Variants in MAST3 observed in about 807,000 individuals in gnomAD.
MAST3 encodes microtubule-associated serine/threonine-protein kinase 3.
MAST3 carries 43 observed loss-of-function variants against 127.0 expected under a neutral mutation model. The observed-to-expected ratio is 0.34, with a 90% CI of 0.27 to 0.44. MAST3 has a LOEUF of 0.44. Ranked by LOEUF, MAST3 falls within the 20% of genes least tolerant of loss-of-function variation. MAST3 has a pLI of 1.00. For synonymous variants in MAST3, 785 were observed against 809.2 expected (o/e 0.97, Z 0.51); for missense variants, 1,390 against 1,919.1 (o/e 0.72, Z 5.15).
chr19:18,115,698 G>A lies in MAST3; in HGVS notation c.161+4957G>A, dbSNP rs867717607. 7.9e-5 allele frequency among the ~76,000 whole-genome samples: 12 copies of A among 152,262 alleles called. 1 individual carries two copies. The Middle Eastern group carries it at 0.031, about 388-fold the overall frequency. On this transcript the variant is annotated intron_variant, in intron 3 of 27. Transcript: ENST00000687212. The stretch of plus-strand genomic sequence containing the variant: ...TATTCCCCTCCCAGACACCGTCCCA[G>A]ACCCTTACTGGCCTCCTGCTACCTT...
rs770698668 is a variant in MAST3 at position 18,123,344 on chromosome 19, C to G, written c.527C>G (p.Pro176Arg). ...NVLDEEGGRS[P>R]RLRPRSRSLS... ...CTTGATGAGGAAGGCGGCCGGTCACCCCGCCTCCGACCCCGCTCTCGCAGT... is the reference window on the plus strand; with the variant it reads ...CTTGATGAGGAAGGCGGCCGGTCACGCCGCCTCCGACCCCGCTCTCGCAGT... Residue 176 changes from proline to arginine, a missense_variant, in exon 7 of 28, where the codon CCC becomes CGC. Physicochemically the swap from Pro to Arg is moderately radical, Grantham distance 103. This residue lies in a region of MAST3 where 277 missense variants were observed against 384.8 expected (regional missense o/e 0.72). Coordinates refer to ENST00000687212, the MANE Select transcript of MAST3 (RefSeq NM_001393504.1). The G allele has an allele frequency of 1.9e-6, 3 of 1,613,136 alleles. No individual in the cohort carries two copies. Among genetic ancestry groups the G allele is most frequent in the East Asian group, 4.5e-5 (2 of 44,870 alleles).
rs1255041157 is a variant in MAST3 at position 18,147,176 on chromosome 19, T to C, written c.3326+132T>C. ...TGGAGTGCAGTGGCTCAATCTCGGC[T>C]CACTGCAACCTCCACCTCCCGGGTT... On this transcript the variant is annotated intron_variant, in intron 26 of 27. Coordinates refer to ENST00000687212, the MANE Select transcript of MAST3 (RefSeq NM_001393504.1). The C allele has an allele frequency of 9.4e-6, 5 of 532,518 alleles. No homozygotes were observed. The African/African-American group carries it at 1.1e-4, about 12-fold the overall frequency. The allele number at this position is 532,518 out of a possible 1,614,324, so 33.0% of individuals were successfully genotyped here.
intron 3 of MAST3, among the ~76,000 whole-genome samples, chr19:18,120,386 T>C (rs1321535459): frequency 6.6e-6 from 1 of 152,082 alleles, no homozygotes; most frequent in Non-Finnish European, 1.5e-5. Context: ...GCAGTAGCCA[T>C]GGTACAGGGA....
chr19:18,117,504 AC>A (rs1217029649), intron 3 of MAST3, among the ~76,000 whole-genome samples: 1 of 152,052 alleles, frequency 6.6e-6, no homozygotes, highest in Non-Finnish European at 1.5e-5. Flanking sequence ...AGCTGCTGGG[AC>A]CCTAAGGAGC....
chr19:18,106,257 T>G (rs534879684), intron 1 of MAST3, among the ~76,000 whole-genome samples: 2 of 152,104 alleles, frequency 1.3e-5, no homozygotes, highest in South Asian at 4.2e-4. Flanking sequence ...CTGGCTAATT[T>G]TTTTTTCTTT....
intron 2 of MAST3, among the ~76,000 whole-genome samples, chr19:18,108,157 G>A (rs534368745): frequency 3.9e-5 from 6 of 152,220 alleles, no homozygotes; most frequent in African/African-American, 1.2e-4. Context: ...ACCAGGCGTG[G>A]TGGTGCTCGC....
Position 18,123,264 on chromosome 19 carries a change from G to A in MAST3, c.447G>A (p.Pro149=), listed in dbSNP as rs190964602. 1,428 of 1,613,868 alleles carry A rather than the reference G, an allele frequency of 8.8e-4. 13 individuals carry two copies. The South Asian group carries it at 0.011, about 13-fold the overall frequency. Residue 149 remains proline, a synonymous_variant, in exon 7 of 28, where the codon CCG becomes CCA. Transcript: ENST00000687212. ...GTCTCCACCAGCTTCCCTTCCAGCC[G>A]ACGCCGGACGAGCTGCACTTCCTGT... is the stretch of plus-strand genomic sequence containing the variant. ...RERLHQLPFQ[P]TPDELHFLSK...
intron 14 of MAST3, 84 bp downstream of exon 14, chr19:18,130,786 G>A: frequency 1.5e-6 from 2 of 1,348,494 alleles, no homozygotes; most frequent in Non-Finnish European, 2.1e-6. Flanking sequence ...ACCAAGTTGA[G>A]GTCTGTTCTG....
chr19:18,107,114 C>T (rs1198163394), intron 1 of MAST3, among the ~76,000 whole-genome samples: 2 of 151,832 alleles, frequency 1.3e-5, no homozygotes, highest in African/African-American at 4.8e-5. Flanking sequence ...CCGCACCCGG[C>T]CTACTCTGGC....
intron 26 of MAST3, 91 bp downstream of exon 26, chr19:18,147,135 G>A (rs1307553233): frequency 1.5e-5 from 17 of 1,171,548 alleles, no homozygotes; most frequent in Non-Finnish European, 1.9e-5. Flanking sequence ...ACAGAGTCTT[G>A]CTCTGTTGCC....
chr19:18,120,790 G>C lies in MAST3; in HGVS notation c.162-895G>C, dbSNP rs143777047. On this transcript the variant is annotated intron_variant, in intron 3 of 27. Coordinates refer to ENST00000687212, the MANE Select transcript of MAST3 (RefSeq NM_001393504.1). ...TGCCCAGGCTGGAGTGTAACGGCACGATCTCACCACAACCTCCACCTCCTG... is the reference window on the plus strand; with the variant it reads ...TGCCCAGGCTGGAGTGTAACGGCACCATCTCACCACAACCTCCACCTCCTG... 3.0e-3 allele frequency among the ~76,000 whole-genome samples: 460 copies of C among 151,918 alleles called. 2 individuals carry two copies. Among genetic ancestry groups the C allele is most frequent in the Non-Finnish European group, 4.6e-3 (314 of 67,956 alleles).
intron 25 of MAST3, among the ~76,000 whole-genome samples, chr19:18,146,640 T>C (rs1486717362): frequency 6.6e-6 from 1 of 151,142 alleles, no homozygotes; most frequent in East Asian, 1.9e-4. Context: ...GGGTGGAGAG[T>C]GAAGAGGGCA....
chr19:18,117,473 C>G (rs1201240418), intron 3 of MAST3, among the ~76,000 whole-genome samples: 1 of 152,200 alleles, frequency 6.6e-6, no homozygotes, highest in African/African-American at 2.4e-5. Context: ...AACACACCCT[C>G]TATGCCAGTC....
chr19:18,124,739 T>C lies in MAST3; in HGVS notation c.1043T>C (p.Ile348Thr), dbSNP rs747349912. Residue 348 changes from isoleucine (I) to threonine (T), a missense_variant, in exon 11 of 28, where the codon ATT (isoleucine) becomes ACT (threonine). Physicochemically the swap from Ile to Thr is moderately conservative, Grantham distance 89. Transcript: ENST00000687212. ...AAGACTGACCTTCCACAGTACATCATTGGGCAGCTGGGCCTGGCCAAGGAC... is the reference window on the plus strand; with the variant it reads ...AAGACTGACCTTCCACAGTACATCACTGGGCAGCTGGGCCTGGCCAAGGAC... The part of the protein sequence containing the change: ...GIKTDLPQYI[I>T]GQLGLAKDPL... The C allele has an allele frequency of 4.4e-6, 7 of 1,607,016 alleles. No individual in the cohort carries two copies. The highest frequency in any genetic ancestry group is 1.7e-5 in the Admixed American group (1 of 58,670).
Position 18,110,651 on chromosome 19 carries a change from G to C in MAST3, c.72-1G>C. 5 of 985,540 alleles carry C rather than the reference G, an allele frequency of 5.1e-6. No individual in the cohort carries two copies. Among genetic ancestry groups the C allele is most frequent in the Non-Finnish European group, 6.0e-6 (5 of 829,662 alleles). 61.0% of individuals were successfully genotyped at this position (985,540 alleles called of 1,614,324 possible). ...ACCGTCCCCGGCCTCTTTCTTTGCA[G>C]TCTGTCTCCGAGCAGCCAGAGCCCG... On this transcript the variant is annotated splice_acceptor_variant, in intron 2 of 27. Coordinates refer to ENST00000687212, the MANE Select transcript of MAST3 (RefSeq NM_001393504.1). LOFTEE classifies it high-confidence loss of function. The surrounding 1 kb of genome is among the most constrained non-coding windows in gnomAD (Gnocchi z 4.3).
intron 19 of MAST3, among the ~76,000 whole-genome samples, chr19:18,138,349 C>T (rs1406273489): frequency 6.6e-6 from 1 of 151,552 alleles, no homozygotes; most frequent in Non-Finnish European, 1.5e-5. Flanking sequence ...CGGAGTCTCA[C>T]TCTGTCGCCC....
Position 18,110,385 on chromosome 19 carries a change from G to A in MAST3, c.72-267G>A. ...CCCTCGAGTGAGTGTTGGGCAGGGC[G>A]GGGGTATGCGGGGTGCAGGGAGGAC... On this transcript the variant is annotated intron_variant, in intron 2 of 27. Transcript: ENST00000687212. This position sits in a 1 kb window ranked among gnomAD's most constrained non-coding sequence, Gnocchi z 4.3. The A allele has an allele frequency of 1.0e-6, 1 of 985,528 alleles. No individual in the cohort carries two copies. The allele number at this position is 985,528 out of a possible 1,614,324, so 61.0% of individuals were successfully genotyped here.
Position 18,149,843 on chromosome 19 carries a change from A to G in MAST3, c.*117A>G. ...ACCAGCCTGACACCCAGAAGGCGAGAAGCCATCTCGGTCCTTGCTGGAAGG... is the reference window on the plus strand; with the variant it reads ...ACCAGCCTGACACCCAGAAGGCGAGGAGCCATCTCGGTCCTTGCTGGAAGG... On this transcript the variant is annotated 3_prime_UTR_variant, in exon 28 of 28. Transcript: ENST00000687212. The surrounding 1 kb of genome is among the most constrained non-coding windows in gnomAD (Gnocchi z 5.9). 6.9e-7 allele frequency: 1 copy of G among 1,443,492 alleles called. No individual in the cohort carries two copies. The highest frequency in any genetic ancestry group is 9.3e-7 in the Non-Finnish European group (1 of 1,075,902). 89.4% of individuals were successfully genotyped at this position (1,443,492 alleles called of 1,614,324 possible).
intron 1 of MAST3, among the ~76,000 whole-genome samples, chr19:18,105,861 G>A (rs779414567): frequency 5.3e-5 from 8 of 151,964 alleles, no homozygotes; most frequent in Admixed American, 2.0e-4. Context: ...CCCGTCAGCC[G>A]TCCTCCCCAC....
Sources: allele counts gnomAD v4.1 joint callset (sites outside exome capture counted in the v4.1 genomes callset), GRCh38; gene constraint gnomAD v4.1.1; regional missense constraint gnomAD v4.1.1; non-coding constraint Gnocchi (gnomAD v3.1); transcripts MANE v1.5; gene names NCBI Gene and HGNC (gene_info 2026-07-23, HGNC 2026-07-21).